Variants in OSBPL6 observed in about 807,000 individuals in gnomAD.
The protein encoded by OSBPL6 is oxysterol-binding protein-related protein 6.
Under a neutral mutation model 125.8 loss-of-function variants are expected in OSBPL6, and 49 were observed. The ratio of observed to expected loss-of-function variants is 0.39; its 90% CI spans 0.31 to 0.49. The LOEUF is 0.49. OSBPL6 is among the 20% of genes least tolerant of loss of function. The pLI is 0.88. For synonymous variants in OSBPL6, 394 were observed against 391.8 expected (o/e 1.01, Z -0.07); for missense variants, 986 against 1,135.4 (o/e 0.87, Z 1.89).
intron 3 of OSBPL6, among the ~76,000 whole-genome samples, chr2:178,316,437 C>G (rs1574848120): frequency 6.6e-6 from 1 of 151,998 alleles, no homozygotes; most frequent in Admixed American, 6.6e-5. Flanking sequence ...ATTTAAATAA[C>G]CTCTCTCATA....
intron 1 of OSBPL6, among the ~76,000 whole-genome samples, chr2:178,247,205 A>ATTTGT (rs1253688117): frequency 6.6e-6 from 1 of 151,516 alleles, no homozygotes; most frequent in African/African-American, 2.4e-5. Flanking sequence ...GATTTTGTCT[A>ATTTGT]TTTGTTTTGT....
At chr2:178,390,759 G>C (rs113503734) in intron 21 of OSBPL6, among the ~76,000 whole-genome samples, 1,773 of 152,230 alleles carry the variant, frequency 0.012, 25 homozygotes, top group African/African-American at 0.035. Flanking sequence ...AAATCCATGA[G>C]CAAGAGGAAA....
intron 12 of OSBPL6, among the ~76,000 whole-genome samples, chr2:178,353,385 T>C (rs956192595): frequency 2.6e-5 from 4 of 152,094 alleles, no homozygotes; most frequent in African/African-American, 9.7e-5. Flanking sequence ...GAATAAATAG[T>C]GTGGAGAGGA....
At chr2:178,346,942 A>G (rs1219986329) in intron 11 of OSBPL6, among the ~76,000 whole-genome samples, 1 of 152,180 alleles carries the variant, frequency 6.6e-6, no homozygotes, top group African/African-American at 2.4e-5. Flanking sequence ...ATTCCCAGGG[A>G]ACCATCTGAT....
At position 178,361,675 on chromosome 2, in the gene OSBPL6, C is replaced by G; in HGVS notation, c.1154-7C>G. On this transcript the variant is annotated splice_region_variant and splice_polypyrimidine_tract_variant and intron_variant, in intron 12 of 24. Transcript: ENST00000190611. ...GACAGTTTTTTCTCACTTTTCTCCC[C>G]ACCCAGTGCATTCTCTTTTGAAGTC... 1 of 1,613,234 alleles carries G rather than the reference C, an allele frequency of 6.2e-7. No individual in the cohort carries two copies. Among genetic ancestry groups the G allele is most frequent in the African/African-American group, 1.3e-5 (1 of 75,012 alleles).
At chr2:178,375,022 C>T (rs544911844) in intron 15 of OSBPL6, among the ~76,000 whole-genome samples, 8 of 152,314 alleles carry the variant, frequency 5.3e-5, no homozygotes, top group Admixed American at 2.0e-4. Flanking sequence ...AGGTTCACAG[C>T]GACTTCCATT....
chr2:178,255,805 A>G, intron 1 of OSBPL6, among the ~76,000 whole-genome samples: 1 of 152,198 alleles, frequency 6.6e-6, no homozygotes, highest in Admixed American at 6.5e-5. Flanking sequence ...TTTCCAGCTC[A>G]CTGTTCTCAT....
intron 4 of OSBPL6, among the ~76,000 whole-genome samples, chr2:178,326,900 CT>C (rs1349116623): frequency 6.6e-6 from 1 of 151,994 alleles, no homozygotes; most frequent in East Asian, 1.9e-4. Context: ...TATCTTATCT[CT>C]TTTTCCCCCC....
At chr2:178,258,879 G>C (rs2091969305) in intron 1 of OSBPL6, among the ~76,000 whole-genome samples, 1 of 151,874 alleles carries the variant, frequency 6.6e-6, no homozygotes, top group Admixed American at 6.6e-5. Flanking sequence ...GTCTGTAAAC[G>C]TCTGGTTTTT....
intron 15 of OSBPL6, among the ~76,000 whole-genome samples, chr2:178,376,481 C>T (rs537956652): frequency 1.3e-5 from 2 of 152,226 alleles, no homozygotes; most frequent in Non-Finnish European, 2.9e-5. Flanking sequence ...ATTCAGTTCC[C>T]ATCTGCTCCC....
At position 178,395,523 on chromosome 2, in the gene OSBPL6, T is replaced by C; in HGVS notation, c.2769T>C (p.Pro923=). Residue 923 remains proline (P), a synonymous_variant, in exon 25 of 25, where the codon CCT becomes CCC. Coordinates refer to ENST00000190611, the MANE Select transcript of OSBPL6 (RefSeq NM_032523.4). The stretch of plus-strand genomic sequence containing the variant: ...CCTACTGGGAGCTTCGAAAGGACCC[T>C]GGGTTTAGCAAAGTAGACAGCCCTG... ...NDTYWELRKD[P]GFSKVDSPVL... 1 of 1,613,794 alleles carries C rather than the reference T, an allele frequency of 6.2e-7. No individual in the cohort carries two copies. The highest frequency in any genetic ancestry group is 1.3e-5 in the African/African-American group (1 of 75,018).
chr2:178,212,436 CAG>C (rs1449701785), intron 1 of OSBPL6, among the ~76,000 whole-genome samples: 4 of 152,156 alleles, frequency 2.6e-5, no homozygotes, highest in African/African-American at 4.8e-5. Flanking sequence ...TAATGTGACA[CAG>C]AGTGATTTCT....
At chr2:178,263,430 AT>A (rs1277813949) in intron 1 of OSBPL6, among the ~76,000 whole-genome samples, 1 of 152,178 alleles carries the variant, frequency 6.6e-6, no homozygotes, top group African/African-American at 2.4e-5. Context: ...GTGAGCTGAG[AT>A]TGCACCATTG....
rs117174798 is a variant in OSBPL6 at position 178,342,156 on chromosome 2, C to T, written c.987+2392C>T. 2.0e-4 allele frequency among the ~76,000 whole-genome samples: 30 copies of T among 152,258 alleles called. No individual in the cohort carries two copies. The East Asian group carries it at 5.0e-3, about 25-fold the overall frequency. On this transcript the variant is annotated intron_variant, in intron 11 of 24. Coordinates refer to ENST00000190611, the MANE Select transcript of OSBPL6 (RefSeq NM_032523.4). ...ATCATCTCACCACTCAAACCACTTT[C>T]GCTGATGTTGCAGCCAATATGAGAG...
intron 13 of OSBPL6, among the ~76,000 whole-genome samples, chr2:178,366,120 G>A (rs993599141): frequency 1.2e-4 from 19 of 152,134 alleles, no homozygotes; most frequent in African/African-American, 4.3e-4. Context: ...TCGAACTCGT[G>A]GCCTCAAGTA....
chr2:178,349,578 G>C (rs1160799601), intron 12 of OSBPL6, among the ~76,000 whole-genome samples, 189 bp downstream of exon 12: 2 of 152,150 alleles, frequency 1.3e-5, no homozygotes, highest in African/African-American at 4.8e-5. Flanking sequence ...CACATCACAG[G>C]TTTACAGTTT....
At chr2:178,226,818 A>C (rs964476179) in intron 1 of OSBPL6, among the ~76,000 whole-genome samples, 22 of 152,346 alleles carry the variant, frequency 1.4e-4, no homozygotes, top group Non-Finnish European at 3.2e-4. Flanking sequence ...TAGTCTTCAG[A>C]GAAAGAGAAG....
In OSBPL6 at chr2:178,358,645, C is replaced by T. The variant is rs529119540; in HGVS notation, c.1154-3037C>T. 1.3e-5 allele frequency among the ~76,000 whole-genome samples: 2 copies of T among 152,158 alleles called. 1 individual carries two copies. Among genetic ancestry groups the T allele is most frequent in the East Asian group, 3.9e-4 (2 of 5,174 alleles). On this transcript the variant is annotated intron_variant, in intron 12 of 24. Transcript: ENST00000190611. Reference sequence around the variant, plus strand: ...ATGTAAGACCTGAAACTATAAAACTCCTAGAAGAAAACGTAGAGCAAAAGC... The same window carrying T: ...ATGTAAGACCTGAAACTATAAAACTTCTAGAAGAAAACGTAGAGCAAAAGC...
intron 13 of OSBPL6, among the ~76,000 whole-genome samples, chr2:178,362,643 G>A (rs959394920): frequency 3.9e-5 from 6 of 152,260 alleles, no homozygotes; most frequent in African/African-American, 1.2e-4. Context: ...GTGGTTCTCC[G>A]CGTGGAGCAG....
Sources: allele counts gnomAD v4.1 joint callset (sites outside exome capture counted in the v4.1 genomes callset), GRCh38; gene constraint gnomAD v4.1.1; transcripts MANE v1.5; gene names NCBI Gene and HGNC (gene_info 2026-07-23, HGNC 2026-07-21).